The following C1GALT1 variants were observed in gnomAD, a reference collection of about 807,000 sequenced individuals.
The protein encoded by C1GALT1 is core 1 synthase, glycoprotein-N-acetylgalactosamine 3-beta-galactosyltransferase 1.
C1GALT1 carries 11 observed loss-of-function variants against 31.0 expected under a neutral mutation model. The ratio of observed to expected loss-of-function variants is 0.36; its 90% CI spans 0.22 to 0.59. The LOEUF (loss-of-function observed/expected upper bound fraction) is 0.59, where lower values mean the gene tolerates loss of function less well. Among genes scored for constraint, C1GALT1 ranks in the 20% least tolerant of loss-of-function variants. The probability of loss-of-function intolerance (pLI) is 0.79; values close to 1 mark genes in which losing one functional copy is unlikely to be tolerated. For missense variants in C1GALT1, 424 were observed against 425.2 expected (o/e 1.00, Z 0.03); for synonymous variants, 175 against 143.6 (o/e 1.22, Z -1.56).
chr7:7,191,863 G>A (rs10280795), intron 1 of C1GALT1, among the ~76,000 whole-genome samples: 13,637 of 151,966 alleles, frequency 0.09, 765 homozygotes, highest in East Asian at 0.16. Context: ...ATATATTTTG[G>A]ATACTAATCT....
In C1GALT1 at chr7:7,232,737, G is replaced by A. The variant is rs10245376; in HGVS notation, c.-17-1566G>A. On this transcript the variant is annotated intron_variant, in intron 1 of 3. Coordinates refer to ENST00000436587, the MANE Select transcript of C1GALT1 (RefSeq NM_020156.5). Reference sequence around the variant, plus strand: ...ACTCCTGACCTCAGGTGATCCACCCGCCTTGGCCTCCCAAAGTGCTAGGAT... The same window carrying A: ...ACTCCTGACCTCAGGTGATCCACCCACCTTGGCCTCCCAAAGTGCTAGGAT... Among the ~76,000 whole-genome samples the A allele has an allele frequency of 1.7e-3, 258 of 151,968 alleles. 7 individuals are homozygous for A. Among genetic ancestry groups the A allele is most frequent in the Admixed American group, 0.015 (223 of 15,290 alleles).
At chr7:7,220,331 G>C (rs1053193699) in intron 1 of C1GALT1, among the ~76,000 whole-genome samples, 1 of 152,122 alleles carries the variant, frequency 6.6e-6, no homozygotes, top group Non-Finnish European at 1.5e-5. Context: ...TTATATTTTA[G>C]AGTTGAGTGT....
chr7:7,205,607 G>A (rs569645819), intron 1 of C1GALT1, among the ~76,000 whole-genome samples: 4 of 152,030 alleles, frequency 2.6e-5, no homozygotes, highest in African/African-American at 9.7e-5. Context: ...TTGTTCAAGG[G>A]TCAACTATAA....
At chr7:7,211,034 A>C (rs113257183) in intron 1 of C1GALT1, among the ~76,000 whole-genome samples, 6,226 of 152,202 alleles carry the variant, frequency 0.041, 283 homozygotes, top group African/African-American at 0.12. Context: ...CTGGCTACTT[A>C]CTGCTGAAAA....
At chr7:7,243,245 T>C (rs1783707678) in intron 3 of C1GALT1, among the ~76,000 whole-genome samples, 1 of 152,164 alleles carries the variant, frequency 6.6e-6, no homozygotes, top group South Asian at 2.1e-4. Context: ...ATCTCAGTAA[T>C]TTTATCCGCT....
At chr7:7,208,379 T>C (rs1414140351) in intron 1 of C1GALT1, among the ~76,000 whole-genome samples, 1 of 152,118 alleles carries the variant, frequency 6.6e-6, no homozygotes, top group African/African-American at 2.4e-5. Context: ...GGAAAAAACA[T>C]AGTACGTGTA....
chr7:7,162,298 A>G (rs1249548575), intron 2 of C1GALT1, among the ~76,000 whole-genome samples: 1 of 117,254 alleles, frequency 8.5e-6, no homozygotes, highest in Non-Finnish European at 1.6e-5. Context: ...CCAGAGTGTG[A>G]TGTTCCCTTT....
chr7:7,181,154 A>G (rs1780575205), upstream of C1GALT1, among the ~76,000 whole-genome samples: 1 of 141,706 alleles, frequency 7.1e-6, no homozygotes, highest in Non-Finnish European at 1.5e-5. Context: ...GACCCCTGAA[A>G]GAGTTCTCCT....
At position 7,244,838 on chromosome 7, in the gene C1GALT1, A is replaced by G. The variant is rs891638498; in HGVS notation, c.*1111A>G. 6.6e-6 allele frequency: 1 copy of G among 152,190 alleles called. No homozygotes were observed. The highest frequency in any genetic ancestry group is 2.4e-5 in the African/African-American group (1 of 41,454). 9.4% of individuals were successfully genotyped at this position (152,190 alleles called of 1,614,324 possible). ...TTGATGAGAATTAAAAACAATAGAAAATGTAGAGTGCTTAAACAAAAATGT... is the reference window on the plus strand; with the variant it reads ...TTGATGAGAATTAAAAACAATAGAAGATGTAGAGTGCTTAAACAAAAATGT... On this transcript the variant is annotated 3_prime_UTR_variant, in exon 4 of 4. Coordinates refer to ENST00000436587, the MANE Select transcript of C1GALT1 (RefSeq NM_020156.5).
intron 2 of C1GALT1, among the ~76,000 whole-genome samples, chr7:7,168,859 A>G (rs1583729014): frequency 6.6e-6 from 1 of 152,212 alleles, no homozygotes; most frequent in East Asian, 1.9e-4. Context: ...TTCTTTTTTT[A>G]TTATGATAAC....
At position 7,229,155 on chromosome 7, in the gene C1GALT1, T is replaced by G. The variant is rs1782943755; in HGVS notation, c.-17-5148T>G. 2.6e-5 allele frequency among the ~76,000 whole-genome samples: 4 copies of G among 152,240 alleles called. No individual in the cohort carries two copies. In the East Asian group the frequency reaches 7.7e-4, roughly 29 times the overall value. ...CTGAATGGCATTGTGACTACTGCTTTCTTCTCCAGTGCCAGGAGCGGTAGA... is the reference window on the plus strand; with the variant it reads ...CTGAATGGCATTGTGACTACTGCTTGCTTCTCCAGTGCCAGGAGCGGTAGA... On this transcript the variant is annotated intron_variant, in intron 1 of 3. Transcript: ENST00000436587.
In C1GALT1 at chr7:7,244,001, A is replaced by T. The variant is rs991717453; in HGVS notation, c.*274A>T. ...GCCAGGTAGAGGAACTAGAAAAGAG[A>T]TTTTGTTGCCTGTTTTCTGACCATC... is the stretch of plus-strand genomic sequence containing the variant. On this transcript the variant is annotated 3_prime_UTR_variant, in exon 4 of 4. Transcript: ENST00000436587. The T allele has an allele frequency of 4.1e-5, 9 of 218,178 alleles. No homozygotes were observed. The highest frequency in any genetic ancestry group is 6.3e-5 in the Non-Finnish European group (7 of 111,990). The allele number at this position is 218,178 out of a possible 1,614,324, so 13.5% of individuals were successfully genotyped here.
At chr7:7,158,761 GTGTT>G (rs1183202489) in intron 2 of C1GALT1, among the ~76,000 whole-genome samples, 1 of 151,894 alleles carries the variant, frequency 6.6e-6, no homozygotes, top group African/African-American at 2.4e-5. Flanking sequence ...GGTCAAATAA[GTGTT>G]TGTTCCTTTT....
intron 2 of C1GALT1, among the ~76,000 whole-genome samples, chr7:7,169,471 C>G (rs1354484976): frequency 2.0e-5 from 3 of 152,142 alleles, no homozygotes; most frequent in Non-Finnish European, 4.4e-5. Flanking sequence ...TACATTCCCA[C>G]CAGTAATGTG....
intron 2 of C1GALT1, among the ~76,000 whole-genome samples, chr7:7,158,966 T>A (rs1780303023): frequency 6.6e-6 from 1 of 152,188 alleles, no homozygotes; most frequent in Non-Finnish European, 1.5e-5. Flanking sequence ...GGGTTCTTGA[T>A]CTGAGGGCGG....
chr7:7,240,535 A>G (rs1448254558), intron 3 of C1GALT1, among the ~76,000 whole-genome samples: 2 of 152,180 alleles, frequency 1.3e-5, no homozygotes, highest in Non-Finnish European at 2.9e-5. Context: ...CCCATATAAA[A>G]AATTTACCCA....
chr7:7,220,558 G>T (rs546487486), intron 1 of C1GALT1, among the ~76,000 whole-genome samples: 3 of 151,686 alleles, frequency 2.0e-5, no homozygotes, highest in Non-Finnish European at 4.4e-5. Context: ...TCACTCTGTC[G>T]CCAGGCTGGA....
At chr7:7,208,954 G>A (rs78280575) in intron 1 of C1GALT1, among the ~76,000 whole-genome samples, 3,858 of 152,242 alleles carry the variant, frequency 0.025, 138 homozygotes, top group African/African-American at 0.087. Flanking sequence ...TACTTTGAGA[G>A]CTTCATAATA....
chr7:7,239,624 C>T (rs2128251685), intron 3 of C1GALT1, among the ~76,000 whole-genome samples: 1 of 152,290 alleles, frequency 6.6e-6, no homozygotes, highest in East Asian at 1.9e-4. Context: ...TACAGCCCTT[C>T]ACACAGTAAG....
Sources: allele counts gnomAD v4.1 joint callset (sites outside exome capture counted in the v4.1 genomes callset), GRCh38; gene constraint gnomAD v4.1.1; transcripts MANE v1.5; gene names NCBI Gene and HGNC (gene_info 2026-07-23, HGNC 2026-07-21).